DNAH17: variants seen among roughly 807,000 people sequenced by gnomAD.
DNAH17 encodes axonemal beta dynein heavy chain 17.
Under a neutral mutation model 485.6 loss-of-function variants are expected in DNAH17, and 376 were observed. That is an observed-to-expected ratio of 0.77 (90% CI 0.71 to 0.84). DNAH17 has a LOEUF of 0.84. Ranked by LOEUF, DNAH17 falls within the 40% of genes least tolerant of loss-of-function variation. The pLI is 0.00. For missense variants in DNAH17, 6,370 were observed against 5,839.3 expected (o/e 1.09, Z -2.96); for synonymous variants, 3,031 against 2,405.9 (o/e 1.26, Z -7.60).
chr17:78,429,873 C>T (rs1021132951), intron 75 of DNAH17, among the ~76,000 whole-genome samples: 1 of 152,196 alleles, frequency 6.6e-6, no homozygotes, highest in African/African-American at 2.4e-5. Flanking sequence ...TCCTGGTTCT[C>T]ATCCTTCCAG....
chr17:78,503,168 CCTTTT>C (rs2090359959), intron 31 of DNAH17, 157 bp from the exon 32 acceptor site: 4 of 325,594 alleles, frequency 1.2e-5, no homozygotes, highest in Non-Finnish European at 2.0e-5. Flanking sequence ...CAGTGACACA[CCTTTT>C]TTTTTTTTTT....
At chr17:78,520,176 A>G (rs1280627101) in intron 25 of DNAH17, among the ~76,000 whole-genome samples, 1 of 152,342 alleles carries the variant, frequency 6.6e-6, no homozygotes, top group East Asian at 1.9e-4. Context: ...TCATATCAGT[A>G]AACACAAAAA....
rs1324014017 is a variant in DNAH17, at chr17:78,510,636, C to T, written c.4114-130G>A. On this transcript the variant is annotated intron_variant, in intron 26 of 80. Coordinates refer to ENST00000389840, the MANE Select transcript of DNAH17 (RefSeq NM_173628.4). The stretch of plus-strand genomic sequence containing the variant: ...GGGCTGCTGGAGGGAGGGAGGCGAG[C>T]TCTGCTCTGCCATTTTCAGCTCTGA... 5 of 1,226,268 alleles carry T rather than the reference C, an allele frequency of 4.1e-6. No individual in the cohort carries two copies. The East Asian group carries it at 9.7e-5, about 24-fold the overall frequency. 76.0% of individuals were successfully genotyped at this position (1,226,268 alleles called of 1,614,324 possible).
chr17:78,506,912 CCT>C, intron 29 of DNAH17, 66 bp from the exon 30 acceptor site: 1 of 1,595,790 alleles, frequency 6.3e-7, no homozygotes, highest in Non-Finnish European at 8.6e-7. Flanking sequence ...TGCCACCCAC[CCT>C]GTCGGCGAAG....
intron 16 of DNAH17, 69 bp from the exon 17 acceptor site, chr17:78,544,066 G>T: frequency 6.2e-7 from 1 of 1,603,224 alleles, no homozygotes; most frequent in East Asian, 2.2e-5. Flanking sequence ...GTCCTTTGCT[G>T]TGTGCTTTTG....
chr17:78,461,425 T>A (rs995091226), intron 58 of DNAH17, 119 bp downstream of exon 58: 2 of 1,105,486 alleles, frequency 1.8e-6, no homozygotes, highest in Admixed American at 7.3e-5. Context: ...ACCTTGTCCT[T>A]CTATGTAAGT....
chr17:78,490,990 TA>T, intron 43 of DNAH17, 143 bp from the exon 44 acceptor site: 2 of 1,087,736 alleles, frequency 1.8e-6, no homozygotes, highest in Non-Finnish European at 2.5e-6. Flanking sequence ...CCCACAGCCC[TA>T]GTCCCTTGGC....
intron 68 of DNAH17, 180 bp downstream of exon 68, chr17:78,450,074 T>TA: frequency 1.5e-6 from 1 of 663,724 alleles, no homozygotes; most frequent in Non-Finnish European, 2.6e-6. Context: ...AGAATGGGTG[T>TA]AGGACTGATG....
intron 25 of DNAH17, among the ~76,000 whole-genome samples, chr17:78,518,437 A>G (rs1051642097): frequency 1.3e-5 from 2 of 152,250 alleles, no homozygotes; most frequent in Non-Finnish European, 2.9e-5. Context: ...GGGTCAACCT[A>G]TAAGAAGACA....
At chr17:78,498,588 C>T (rs16971461) in intron 37 of DNAH17, among the ~76,000 whole-genome samples, 1,894 of 152,294 alleles carry the variant, frequency 0.012, 42 homozygotes, top group African/African-American at 0.044. Context: ...CTCTGTGCCC[C>T]GGCATGGTTG....
Position 78,514,854 on chromosome 17 carries a change from T to C in DNAH17, c.4033A>G (p.Thr1345Ala). The part of the protein sequence containing the change: ...GLDNTVKNVI[T>A]SLRAVSELQN... ...AGCTCGCTCACGGCACGCAGGGACG[T>C]GATCACGTTTTTCACGGTGTTGTCG... The change falls in exon 26 of 81, where the codon ACG becomes GCG. Residue 1345 changes from threonine to alanine, a missense_variant. Transcript: ENST00000389840. The C allele has an allele frequency of 6.2e-7, 1 of 1,614,044 alleles. No individual in the cohort carries two copies. Among genetic ancestry groups the C allele is most frequent in the Non-Finnish European group, 8.5e-7 (1 of 1,179,900 alleles).
chr17:78,436,770 G>A (rs1030615431), intron 74 of DNAH17, among the ~76,000 whole-genome samples: 3 of 151,632 alleles, frequency 2.0e-5, no homozygotes, highest in Admixed American at 6.6e-5. Context: ...GCTTGAACTC[G>A]GGAGGCAGAG....
At chr17:78,541,546 A>C (rs2091589401) in intron 17 of DNAH17, among the ~76,000 whole-genome samples, 1 of 152,020 alleles carries the variant, frequency 6.6e-6, no homozygotes, top group Non-Finnish European at 1.5e-5. Context: ...TCAGCATAAG[A>C]TAAAAAGAAA....
chr17:78,561,835 T>C lies in DNAH17; in HGVS notation c.1715A>G (p.Glu572Gly), dbSNP rs1253686962. The C allele has an allele frequency of 1.2e-6, 2 of 1,613,792 alleles. No homozygotes were observed. Among genetic ancestry groups the C allele is most frequent in the Non-Finnish European group, 8.5e-7 (1 of 1,179,870 alleles). The change falls in exon 12 of 81, where the codon GAG (glutamate) becomes GGG (glycine). Residue 572 changes from glutamate to glycine, a missense_variant. Coordinates refer to ENST00000389840, the MANE Select transcript of DNAH17 (RefSeq NM_173628.4). ...LYDAQMAASE[E>G]GNIPLIHKNM... Reference sequence around the variant, plus strand: ...TTTGTGGATCAGGGGGATGTTCCCCTCCTCGGAGGCCGCCATCTGGGCATC... The same window carrying C: ...TTTGTGGATCAGGGGGATGTTCCCCCCCTCGGAGGCCGCCATCTGGGCATC...
At position 78,558,286 on chromosome 17, in the gene DNAH17, C is replaced by T. The variant is rs1231781222; in HGVS notation, c.2032-32G>A. 3.1e-6 allele frequency: 5 copies of T among 1,608,954 alleles called. No individual in the cohort carries two copies. In the South Asian group the frequency reaches 5.6e-5, roughly 18 times the overall value. On this transcript the variant is annotated intron_variant, in intron 13 of 80. Transcript: ENST00000389840. ...GACAAACGAAGATCAAAGAACATGT[C>T]AGCAGGTCAGGTCAACAGTGCAGTG...
intron 44 of DNAH17, among the ~76,000 whole-genome samples, chr17:78,486,881 G>T (rs2089634198): frequency 1.3e-5 from 2 of 152,158 alleles, no homozygotes; most frequent in South Asian, 4.1e-4. Context: ...GCACGAAGGT[G>T]GGGACAGTAA....
chr17:78,486,137 T>C lies in DNAH17; in HGVS notation c.7102-4A>G. 2 of 1,612,102 alleles carry C rather than the reference T, an allele frequency of 1.2e-6. No individual in the cohort carries two copies. The highest frequency in any genetic ancestry group is 2.2e-5 in the South Asian group (2 of 90,858). On this transcript the variant is annotated splice_polypyrimidine_tract_variant and splice_region_variant and intron_variant, in intron 45 of 80. Coordinates refer to ENST00000389840, the MANE Select transcript of DNAH17 (RefSeq NM_173628.4). Reference sequence around the variant, plus strand: ...ACTCCACTCGATAATCCACAAGCTGTTGAGACACAGAAGTAAAAATCAGGG... The same window carrying C: ...ACTCCACTCGATAATCCACAAGCTGCTGAGACACAGAAGTAAAAATCAGGG...
rs372004613 is a variant in DNAH17, at chr17:78,423,948, C to T, written c.13347G>A (p.Ala4449=). The change falls in exon 81 of 81, where the codon GCG becomes GCA. Residue 4449 remains alanine, a synonymous_variant. Coordinates refer to ENST00000389840, the MANE Select transcript of DNAH17 (RefSeq NM_173628.4). The part of the protein sequence containing the change: ...TFNLKTKEKA[A]KWILAAVALL... ...GCGCCACGGCTGCCAGGATCCACTT[C>T]GCTGCCTTCTCTTTGGTCTTCAAGT... 73 of 1,613,862 alleles carry T rather than the reference C, an allele frequency of 4.5e-5. No homozygotes were observed. Among genetic ancestry groups the T allele is most frequent in the East Asian group, 1.1e-4 (5 of 44,898 alleles).
rs1205566809 is a variant in DNAH17 at position 78,526,637 on chromosome 17, T to C, written c.3711+14A>G. ...CCAGACTTACCCCCTGATCTCACCC[T>C]TGAGCAAAAATACCTTATTCAGGGA... is the stretch of plus-strand genomic sequence containing the variant. On this transcript the variant is annotated intron_variant, in intron 24 of 80. Transcript: ENST00000389840. 5 of 1,588,300 alleles carry C rather than the reference T, an allele frequency of 3.1e-6. No homozygotes were observed. The highest frequency in any genetic ancestry group is 4.3e-6 in the Non-Finnish European group (5 of 1,164,042).
Sources: gnomAD v4.1 joint callset for allele counts (sites outside exome capture counted in the v4.1 genomes callset) on GRCh38, gnomAD v4.1.1 for gene constraint, MANE v1.5 for transcripts, NCBI Gene and HGNC (gene_info 2026-07-23, HGNC 2026-07-21) for gene names.